The following LPXN variants were observed in gnomAD, a reference collection of about 807,000 sequenced individuals.
LPXN encodes leupaxin.
Under a neutral mutation model 45.6 loss-of-function variants are expected in LPXN, and 28 were observed. The ratio of observed to expected loss-of-function variants is 0.61; its 90% confidence interval spans 0.45 to 0.84. The LOEUF (loss-of-function observed/expected upper bound fraction) is 0.84, where lower values mean the gene tolerates loss of function less well. Among genes scored for constraint, LPXN ranks in the 40% least tolerant of loss-of-function variants. The pLI is 0.00. For missense variants in LPXN, 459 were observed against 475.0 expected (o/e 0.97, Z 0.31); for synonymous variants, 166 against 169.9 (o/e 0.98, Z 0.18).
At chr11:58,554,681 A>C in intron 4 of LPXN, 160 bp downstream of exon 4, 1 of 530,068 alleles carries the variant, frequency 1.9e-6, no homozygotes, top group Admixed American at 3.5e-5. Context: ...AATTCATGGA[A>C]TTAAATTTAG....
At chr11:58,541,389 A>G (rs1853717195) in intron 7 of LPXN, among the ~76,000 whole-genome samples, 1 of 152,258 alleles carries the variant, frequency 6.6e-6, no homozygotes, top group Admixed American at 6.5e-5. Context: ...GGATATGAAC[A>G]GACACTTCTC....
chr11:58,562,814 G>C (rs371011365), intron 3 of LPXN, among the ~76,000 whole-genome samples: 6,202 of 152,094 alleles, frequency 0.041, 181 homozygotes, highest in Middle Eastern at 0.11. Flanking sequence ...GCGACTTGTG[G>C]GGGGGAAATG....
intron 7 of LPXN, among the ~76,000 whole-genome samples, chr11:58,535,734 C>G (rs1419805290): frequency 6.6e-6 from 1 of 152,324 alleles, no homozygotes; most frequent in South Asian, 2.1e-4. Flanking sequence ...CAAATTGTCT[C>G]TGTTTGCAGA....
chr11:58,565,284 A>C (rs1854495427), intron 2 of LPXN, among the ~76,000 whole-genome samples: 1 of 152,166 alleles, frequency 6.6e-6, no homozygotes, highest in African/African-American at 2.4e-5. Flanking sequence ...CCGTAATCCC[A>C]GTACTTTGGG....
intron 2 of LPXN, among the ~76,000 whole-genome samples, chr11:58,568,268 G>A (rs1257639728): frequency 6.6e-6 from 1 of 152,148 alleles, no homozygotes; most frequent in Non-Finnish European, 1.5e-5. Flanking sequence ...CAAGAAAAAA[G>A]ACAAGTTATC....
At chr11:58,565,787 C>A (rs1013764521) in intron 2 of LPXN, among the ~76,000 whole-genome samples, 5 of 151,986 alleles carry the variant, frequency 3.3e-5, no homozygotes, top group Non-Finnish European at 7.4e-5. Flanking sequence ...GAATTTGAGA[C>A]CAGCCTGGTG....
At chr11:58,567,597 T>C (rs1339458380) in intron 2 of LPXN, among the ~76,000 whole-genome samples, 1 of 152,236 alleles carries the variant, frequency 6.6e-6, no homozygotes, top group Non-Finnish European at 1.5e-5. Flanking sequence ...ATAGGCCTCC[T>C]GCAGCTGCCG....
At chr11:58,566,755 T>C (rs1448371526) in intron 2 of LPXN, among the ~76,000 whole-genome samples, 1 of 152,230 alleles carries the variant, frequency 6.6e-6, no homozygotes, top group Non-Finnish European at 1.5e-5. Context: ...AAAAGCTGAA[T>C]TTTCATGCTA....
chr11:58,546,307 G>A (rs2120292217), intron 7 of LPXN, among the ~76,000 whole-genome samples: 1 of 152,216 alleles, frequency 6.6e-6, no homozygotes, highest in South Asian at 2.1e-4. Flanking sequence ...AAACAGGACT[G>A]GTTGAAAGTC....
intron 7 of LPXN, among the ~76,000 whole-genome samples, chr11:58,531,760 A>G (rs1853394035): frequency 6.6e-6 from 1 of 152,230 alleles, no homozygotes; most frequent in Non-Finnish European, 1.5e-5. Flanking sequence ...TAATCATCAG[A>G]TTCACCAAGG....
chr11:58,543,704 A>C (rs1177655664), intron 7 of LPXN, among the ~76,000 whole-genome samples: 1 of 152,186 alleles, frequency 6.6e-6, no homozygotes, highest in Non-Finnish European at 1.5e-5. Context: ...ACTTAAATGC[A>C]TCCTGACTTT....
intron 2 of LPXN, among the ~76,000 whole-genome samples, chr11:58,566,164 T>C (rs1046714207): frequency 4.6e-5 from 7 of 152,214 alleles, no homozygotes; most frequent in African/African-American, 1.7e-4. Flanking sequence ...ATTTAAACAG[T>C]TATTTTTTTA....
chr11:58,578,331 G>A, upstream of LPXN: 1 of 287,050 alleles, frequency 3.5e-6, no homozygotes, highest in Non-Finnish European at 6.8e-6. Context: ...AGAACCTCCC[G>A]GCATCCTCTC....
chr11:58,569,053 G>T (rs921286371), intron 2 of LPXN, among the ~76,000 whole-genome samples: 1 of 152,344 alleles, frequency 6.6e-6, no homozygotes, highest in East Asian at 1.9e-4. Context: ...TTCCCTAGTA[G>T]AGAGATAAAT....
chr11:58,559,036 T>G (rs1854295814), intron 3 of LPXN, among the ~76,000 whole-genome samples: 1 of 149,490 alleles, frequency 6.7e-6, no homozygotes, highest in African/African-American at 2.4e-5. Context: ...GAGCTAAAGA[T>G]TCTTTTAAAA....
rs1275063582 is a variant in LPXN, at chr11:58,550,137, C to T, written c.496G>A (p.Ala166Thr). The change falls in exon 6 of 9, where the codon GCT becomes ACT. Residue 166 changes from alanine (A) to threonine (T), a missense_variant. Transcript: ENST00000395074. Reference sequence around the variant, plus strand: ...TCAGGATGCCATGATTGCCCTAGAGCATGGATCACCTGTGGAGTGAAATAA... The same window carrying T: ...TCAGGATGCCATGATTGCCCTAGAGTATGGATCACCTGTGGAGTGAAATAA... The part of the protein sequence containing the change: ...QKPIAGKVIH[A>T]LGQSWHPEHF... 1 of 1,613,396 alleles carries T rather than the reference C, an allele frequency of 6.2e-7. No homozygotes were observed. The highest frequency in any genetic ancestry group is 1.3e-5 in the African/African-American group (1 of 75,022).
chr11:58,577,963 T>A (rs1181289905), upstream of LPXN: 1 of 1,545,152 alleles, frequency 6.5e-7, no homozygotes, highest in East Asian at 2.5e-5. Flanking sequence ...AAGGACCCCA[T>A]GGAACCAGAT....
intron 1 of LPXN, among the ~76,000 whole-genome samples, chr11:58,574,374 T>C (rs143267210): frequency 1.3e-5 from 2 of 152,302 alleles, no homozygotes; most frequent in Non-Finnish European, 2.9e-5. Context: ...GACAGTGACA[T>C]TGAAAAAGTT....
At position 58,549,993 on chromosome 11, in the gene LPXN, A is replaced by T. The variant is rs972387634; in HGVS notation, c.640T>A (p.Cys214Ser). The T allele has an allele frequency of 1.2e-6, 2 of 1,614,126 alleles. No individual in the cohort carries two copies. Among genetic ancestry groups the T allele is most frequent in the Non-Finnish European group, 1.7e-6 (2 of 1,180,054 alleles). Residue 214 changes from cysteine to serine, a missense_variant, in exon 6 of 9, where the codon TGC (cysteine) becomes AGC (serine). Physicochemically the swap from Cys to Ser is moderately radical, Grantham distance 112 (BLOSUM62 -1). Coordinates refer to ENST00000395074, the MANE Select transcript of LPXN (RefSeq NM_004811.3). ...HQLFSPRCAY[C>S]AAPILDKVLT... is the part of the protein sequence containing the mutation. ...CTTACATCCAGGATGGGAGCAGCGC[A>T]GTAAGCACAGCGTGGAGAAAAAAGT...
Sources: allele counts gnomAD v4.1 joint callset (sites outside exome capture counted in the v4.1 genomes callset), GRCh38; gene constraint gnomAD v4.1.1; transcripts MANE v1.5; gene names NCBI Gene and HGNC (gene_info 2026-07-23, HGNC 2026-07-21).